CYB5D2: variants seen among roughly 807,000 people sequenced by gnomAD.
The protein encoded by CYB5D2 is neuferricin.
CYB5D2 carries 23 observed loss-of-function variants against 22.8 expected under a neutral mutation model. That is an observed-to-expected ratio of 1.01 (90% CI 0.73 to 1.43). The LOEUF (loss-of-function observed/expected upper bound fraction) is 1.43. Ranked by LOEUF, CYB5D2 falls within the 40% of genes most tolerant of loss-of-function variation. The pLI, the probability that CYB5D2 is intolerant of heterozygous loss-of-function variation, is 0.00. For synonymous variants in CYB5D2, 170 were observed against 152.2 expected, an observed-to-expected ratio of 1.12 and a Z score of -0.86; for missense variants, 373 against 357.2, an observed-to-expected ratio of 1.04 and a Z score of -0.36.
intron 1 of CYB5D2, among the ~76,000 whole-genome samples, chr17:4,145,609 C>G (rs1567886264): frequency 6.6e-6 from 1 of 152,148 alleles, no homozygotes; most frequent in Non-Finnish European, 1.5e-5. Context: ...ATTCATTGAC[C>G]ATCTTTATTT....
intron 3 of CYB5D2, 82 bp downstream of exon 3, chr17:4,154,942 T>A (rs1362415223): frequency 1.9e-5 from 27 of 1,402,298 alleles, no homozygotes; most frequent in Non-Finnish European, 2.5e-5. Flanking sequence ...TTCAGTGAAT[T>A]CAGGAATTGA....
intron 1 of CYB5D2, among the ~76,000 whole-genome samples, chr17:4,149,462 C>G (rs1311063403): frequency 2.0e-5 from 3 of 152,154 alleles, no homozygotes; most frequent in Non-Finnish European, 4.4e-5. Flanking sequence ...GGTGGGGACC[C>G]CATTTCCCTG....
chr17:4,149,424 G>T lies in CYB5D2; in HGVS notation c.251-467G>T, dbSNP rs565603757. On this transcript the variant is annotated intron_variant, in intron 1 of 3. Coordinates refer to ENST00000301391, the MANE Select transcript of CYB5D2 (RefSeq NM_144611.4). ...AATGCCAAAGAGATGTGTGTCCAAG[G>T]TCTAGGAGCATCTTTCACAGAGGAG... Among the ~76,000 whole-genome samples the T allele has an allele frequency of 3.9e-5, 6 of 152,348 alleles. No individual in the cohort carries two copies. In the East Asian group the frequency reaches 1.2e-3, roughly 29 times the overall value.
chr17:4,143,222 T>A lies in CYB5D2; in HGVS notation c.-534T>A. 1 of 265,794 alleles carries A rather than the reference T, an allele frequency of 3.8e-6. No homozygotes were observed. The allele number at this position is 265,794 out of a possible 1,614,324, so 16.5% of individuals were successfully genotyped here. A position where few individuals can be genotyped will look rare whatever the true frequency, so the allele number is the denominator to read the frequency against. On this transcript the variant is annotated 5_prime_UTR_variant, in exon 1 of 4. Transcript: ENST00000301391. ...GCCATCTTTGTTGGGGCTGACAACC[T>A]GCAAGCCAAGAAGTACGAGAAGGGC...
At position 4,143,936 on chromosome 17, in the gene CYB5D2, G is replaced by A; in HGVS notation, c.181G>A (p.Gly61Ser). ...GDPGLYLALLGRVYDVSSGRR... is the reference protein window; with the variant it reads ...GDPGLYLALLSRVYDVSSGRR... ...CCCGGGCCTGTACTTGGCGTTGCTC[G>A]GCCGTGTCTACGATGTGTCCTCCGG... The change falls in exon 1 of 4, where the codon GGC becomes AGC. Residue 61 changes from glycine to serine, a missense_variant. Transcript: ENST00000301391. 8 of 1,613,586 alleles carry A rather than the reference G, an allele frequency of 5.0e-6. No homozygotes were observed. The highest frequency in any genetic ancestry group is 6.8e-6 in the Non-Finnish European group (8 of 1,180,018).
intron 1 of CYB5D2, among the ~76,000 whole-genome samples, chr17:4,145,853 C>T (rs1018625875): frequency 6.6e-6 from 1 of 152,180 alleles, no homozygotes; most frequent in African/African-American, 2.4e-5. Flanking sequence ...GGCTGGCGTG[C>T]AGTGGCATGA....
In CYB5D2 at chr17:4,150,046, G is replaced by C; in HGVS notation, c.391+15G>C. The C allele has an allele frequency of 1.2e-6, 2 of 1,613,416 alleles. No homozygotes were observed. The highest frequency in any genetic ancestry group is 1.7e-6 in the Non-Finnish European group (2 of 1,179,944). On this transcript the variant is annotated intron_variant, in intron 2 of 3. Transcript: ENST00000301391. ...TGTGTGTGTTGGTAAGTCGTCCATA[G>C]GTCATACATTTCATTTGGTTGTCTG...
chr17:4,153,403 G>T (rs1241382676), intron 2 of CYB5D2, among the ~76,000 whole-genome samples: 2 of 152,120 alleles, frequency 1.3e-5, no homozygotes, highest in Non-Finnish European at 2.9e-5. Flanking sequence ...CGTGAACGAG[G>T]GGGGACGTAG....
intron 2 of CYB5D2, 134 bp from the exon 3 acceptor site, chr17:4,154,540 C>T (rs1299121808): frequency 8.2e-6 from 8 of 980,896 alleles, no homozygotes; most frequent in Non-Finnish European, 1.2e-5. Context: ...ACCAGGAGTG[C>T]CTGCAGTAGA....
At chr17:4,153,311 G>A (rs80261572) in intron 2 of CYB5D2, among the ~76,000 whole-genome samples, 11,727 of 151,300 alleles carry the variant, frequency 0.078, 541 homozygotes, top group South Asian at 0.15. Flanking sequence ...GAGTGTGCTG[G>A]GTCAGGGAAG....
In CYB5D2 at chr17:4,149,957, C is replaced by T; in HGVS notation, c.317C>T (p.Ser106Phe). ...GAAGCAGGCCTCGTGGATGACGTAT[C>T]CGACCTGTCAGCCGCTGAGATGCTG... ...CSEAGLVDDV[S>F]DLSAAEMLTL... The change falls in exon 2 of 4, where the codon TCC becomes TTC. Residue 106 changes from serine (S) to phenylalanine (F), a missense_variant. Ser to Phe is a radical substitution (Grantham distance 155). Coordinates refer to ENST00000301391, the MANE Select transcript of CYB5D2 (RefSeq NM_144611.4). 6.2e-7 allele frequency: 1 copy of T among 1,614,126 alleles called. No homozygotes were observed. Among genetic ancestry groups the T allele is most frequent in the Non-Finnish European group, 8.5e-7 (1 of 1,180,038 alleles).
Position 4,143,667 on chromosome 17 carries a change from G to C in CYB5D2, c.-89G>C. On this transcript the variant is annotated 5_prime_UTR_variant, in exon 1 of 4. Transcript: ENST00000301391. ...CGAGAGAGAGAGCGAGAGCGCGCGCGCCGATGACGTCACGCTCGGCGTCTC... is the reference window on the plus strand; with the variant it reads ...CGAGAGAGAGAGCGAGAGCGCGCGCCCCGATGACGTCACGCTCGGCGTCTC... 1 of 1,507,082 alleles carries C rather than the reference G, an allele frequency of 6.6e-7. No individual in the cohort carries two copies. Among genetic ancestry groups the C allele is most frequent in the South Asian group, 1.3e-5 (1 of 74,940 alleles). The allele number at this position is 1,507,082 out of a possible 1,614,324, so 93.4% of individuals were successfully genotyped here. A position where few individuals can be genotyped will look rare whatever the true frequency, so the allele number is the denominator to read the frequency against.
At chr17:4,153,649 T>A (rs1169194071) in intron 2 of CYB5D2, among the ~76,000 whole-genome samples, 1 of 151,858 alleles carries the variant, frequency 6.6e-6, no homozygotes, top group Non-Finnish European at 1.5e-5. Context: ...CCACAGTCCG[T>A]GGTTTGGAGG....
Position 4,154,693 on chromosome 17 carries a change from C to A in CYB5D2, c.411C>A (p.Phe137Leu). Residue 137 changes from phenylalanine (F) to leucine (L), a missense_variant, in exon 3 of 4, where the codon TTC becomes TTA. Phe to Leu is a conservative substitution (Grantham distance 22, BLOSUM62 0). Transcript: ENST00000301391. The part of the protein sequence containing the change: ...YVCVGRVTGR[F>L]YGEDGLPTPA... ...TCACAGGGAGGGTGACAGGACGGTT[C>A]TACGGAGAGGATGGGCTGCCCACCC... is the stretch of plus-strand genomic sequence containing the variant. The A allele has an allele frequency of 6.2e-7, 1 of 1,614,124 alleles. No individual in the cohort carries two copies. Among genetic ancestry groups the A allele is most frequent in the South Asian group, 1.1e-5 (1 of 91,074 alleles).
At chr17:4,144,051 A>T (rs760899180) in intron 1 of CYB5D2, 46 bp downstream of exon 1, 1 of 1,534,912 alleles carries the variant, frequency 6.5e-7, no homozygotes, top group Non-Finnish European at 8.7e-7. Flanking sequence ...GGCGCGAGCC[A>T]GTAGCCACCT....
intron 1 of CYB5D2, among the ~76,000 whole-genome samples, chr17:4,146,494 C>T (rs1054575911): frequency 8.6e-5 from 13 of 151,538 alleles, no homozygotes; most frequent in African/African-American, 3.2e-4. Context: ...GAGTTCATGC[C>T]ATTTTCCTGC....
rs901799758 is a variant in CYB5D2, at chr17:4,143,706, G to A, written c.-50G>A. On this transcript the variant is annotated 5_prime_UTR_variant, in exon 1 of 4. Transcript: ENST00000301391. Reference sequence around the variant, plus strand: ...GCTCGGCGTCTCGGCCATCTTAGCTGTAGATAGAGGCGGCAACCTCGGAAG... The same window carrying A: ...GCTCGGCGTCTCGGCCATCTTAGCTATAGATAGAGGCGGCAACCTCGGAAG... 6.4e-7 allele frequency: 1 copy of A among 1,563,638 alleles called. No homozygotes were observed. Among genetic ancestry groups the A allele is most frequent in the African/African-American group, 1.4e-5 (1 of 73,526 alleles).
In CYB5D2 at chr17:4,143,856, G is replaced by A. The variant is rs2058934171; in HGVS notation, c.101G>A (p.Gly34Asp). Residue 34 changes from glycine (G) to aspartate (D), a missense_variant, in exon 1 of 4, where the codon GGC becomes GAC. Transcript: ENST00000301391. ...ATGGGCTGGTGGGGTCCCCGCGCTG[G>A]CTTTCGCCTTTTCATACCGGAGGAG... ...RLMGWWGPRA[G>D]FRLFIPEELS... 6.2e-7 allele frequency: 1 copy of A among 1,614,112 alleles called. No homozygotes were observed. Among genetic ancestry groups the A allele is most frequent in the Non-Finnish European group, 8.5e-7 (1 of 1,180,012 alleles).
intron 2 of CYB5D2, among the ~76,000 whole-genome samples, chr17:4,153,900 C>T (rs1003412514): frequency 1.3e-5 from 2 of 152,222 alleles, no homozygotes; most frequent in Non-Finnish European, 2.9e-5. Context: ...GCTGAACATA[C>T]GCGCCACTAG....
Sources: allele counts gnomAD v4.1 joint callset (sites outside exome capture counted in the v4.1 genomes callset), GRCh38; gene constraint gnomAD v4.1.1; transcripts MANE v1.5; gene names NCBI Gene and HGNC (gene_info 2026-07-23, HGNC 2026-07-21).